Variants in ABR observed in about 807,000 individuals in gnomAD.
The protein encoded by ABR is ABR activator of RhoGEF and GTPase.
Under a neutral mutation model 107.2 loss-of-function variants are expected in ABR, and 35 were observed. That is an observed-to-expected ratio of 0.33 (90% CI 0.25 to 0.43). The LOEUF (loss-of-function observed/expected upper bound fraction) is 0.43, where lower values mean the gene tolerates loss of function less well. ABR is among the 20% of genes least tolerant of loss of function. The pLI, the probability that ABR is intolerant of heterozygous loss-of-function variation, is 1.00. For missense variants in ABR, 815 were observed against 1,115.2 expected, an observed-to-expected ratio of 0.73 and a Z score of 3.83; for synonymous variants, 498 against 462.0, an observed-to-expected ratio of 1.08 and a Z score of -1.00.
At chr17:1,144,415 G>A (rs1416256199) in intron 1 of ABR, among the ~76,000 whole-genome samples, 1 of 152,014 alleles carries the variant, frequency 6.6e-6, no homozygotes, top group Non-Finnish European at 1.5e-5. Flanking sequence ...GGGCCAGGAG[G>A]CAGATCTGGG....
At chr17:1,217,683 G>A (rs1219550002) in intron 1 of ABR, among the ~76,000 whole-genome samples, 10 of 152,068 alleles carry the variant, frequency 6.6e-5, no homozygotes, top group Non-Finnish European at 1.3e-4. Flanking sequence ...CCTAGACAGC[G>A]TGCTCTTATT....
intron 1 of ABR, among the ~76,000 whole-genome samples, chr17:1,146,581 G>A (rs1438582034): frequency 6.6e-6 from 1 of 151,512 alleles, no homozygotes; most frequent in Non-Finnish European, 1.5e-5. Flanking sequence ...TCAGTGCCCA[G>A]ACACCTGCCA....
intron 18 of ABR, chr17:1,012,472 A>AC: frequency 1.4e-6 from 1 of 698,102 alleles, no homozygotes; most frequent in South Asian, 1.5e-5. Flanking sequence ...CTCACAAGAG[A>AC]CCTTCCAGCG....
chr17:1,106,561 A>G (rs1597832611), intron 2 of ABR, among the ~76,000 whole-genome samples: 2 of 115,024 alleles, frequency 1.7e-5, no homozygotes, highest in African/African-American at 7.1e-5. Flanking sequence ...ACTGAGTCTC[A>G]CCCTGTCGCC....
intron 1 of ABR, among the ~76,000 whole-genome samples, chr17:1,205,675 C>T (rs1453376772): frequency 2.6e-5 from 4 of 152,138 alleles, no homozygotes; most frequent in Non-Finnish European, 5.9e-5. Context: ...CCAGGCGCGG[C>T]GGCTCACGCC....
At chr17:1,106,391 G>C (rs1380354581) in intron 2 of ABR, among the ~76,000 whole-genome samples, 1 of 150,374 alleles carries the variant, frequency 6.7e-6, no homozygotes, top group Non-Finnish European at 1.5e-5. Context: ...GCCCAGGACA[G>C]GAGTGTATCA....
At chr17:1,112,462 A>G (rs915233891) in intron 2 of ABR, among the ~76,000 whole-genome samples, 5 of 152,208 alleles carry the variant, frequency 3.3e-5, no homozygotes, top group African/African-American at 1.2e-4. Context: ...ACCCGGTTGC[A>G]GTGGCGCACC....
At chr17:1,014,841 G>A (rs1359334625) in intron 16 of ABR, among the ~76,000 whole-genome samples, 4 of 151,956 alleles carry the variant, frequency 2.6e-5, no homozygotes, top group African/African-American at 4.8e-5. Flanking sequence ...GTGAGACTCC[G>A]TCTCAAAAAA....
intron 16 of ABR, among the ~76,000 whole-genome samples, chr17:1,022,106 C>CAAAAAAAAAAAAAAAAAAAAA (rs759234729): frequency 7.6e-5 from 3 of 39,224 alleles, no homozygotes; most frequent in Non-Finnish European, 1.3e-4. Flanking sequence ...GACTCTGTCT[C>CAAAAAAAAAAAAAAAAAAAAA]AAAAAAAAAA....
rs746305126 is a variant in ABR at position 1,179,730 on chromosome 17, C to CGCG, written c.-6_-4dup. On this transcript the variant is annotated 5_prime_UTR_variant, in exon 1 of 23. Transcript: ENST00000302538. This position sits in a 1 kb window ranked among gnomAD's most constrained non-coding sequence, Gnocchi z 4.9. ...CCCCGGTGGCTGAGCGGCTCCATCC[C>CGCG]GCGGCGGCGGCTCGGTCAGATCCGA... The CGCG allele has an allele frequency of 8.0e-6, 12 of 1,496,566 alleles. No individual in the cohort carries two copies. In the South Asian group the frequency reaches 1.4e-4, roughly 17 times the overall value. 92.7% of individuals were successfully genotyped at this position (1,496,566 alleles called of 1,614,324 possible).
chr17:1,229,369 G>A (rs1457800550), exon 1 of ABR, among the ~76,000 whole-genome samples: 1 of 150,190 alleles, frequency 6.7e-6, no homozygotes, highest in African/African-American at 2.4e-5. Context: ...GGGCGCCCGG[G>A]GTCCCCGCGG....
intron 1 of ABR, among the ~76,000 whole-genome samples, chr17:1,215,536 G>C (rs953696536): frequency 2.2e-4 from 34 of 152,154 alleles, no homozygotes; most frequent in Non-Finnish European, 1.8e-4. Flanking sequence ...CTCGTTCACT[G>C]AGTGCTCAAT....
chr17:1,206,835 A>G (rs1445201942), intron 1 of ABR, among the ~76,000 whole-genome samples: 1 of 152,174 alleles, frequency 6.6e-6, no homozygotes, highest in Non-Finnish European at 1.5e-5. Flanking sequence ...TTGTCATCCC[A>G]GCACTTTGGG....
At chr17:1,031,567 A>ACCCCCCGGAACCTCCAGCCCCCG in intron 16 of ABR, 1 of 173,044 alleles carries the variant, frequency 5.8e-6, no homozygotes, top group Non-Finnish European at 7.1e-6. Context: ...CCGAGCCCCC[A>ACCCCCCGGAACCTCCAGCCCCCG]CCCCCCGGAA....
At chr17:1,185,024 C>G (rs752422941) in intron 1 of ABR, 1 of 152,002 alleles carries the variant, frequency 6.6e-6, no homozygotes, top group Non-Finnish European at 1.5e-5. Context: ...CCAGGGTTCC[C>G]GTGTGTAATC....
chr17:1,205,920 G>A lies in ABR; in HGVS notation c.838+22873C>T, dbSNP rs138582568. Among the ~76,000 whole-genome samples the A allele has an allele frequency of 3.8e-3, 572 of 151,812 alleles. 4 individuals are homozygous for A. The highest frequency in any genetic ancestry group is 0.013 in the African/African-American group (550 of 41,368). On this transcript the variant is annotated intron_variant, in intron 1 of 22. Transcript: ENST00000574139. ...TTGCGCCACTGCACTCCAGCCTGGC[G>A]CCAGAGCAAGACTCCGACTCGAAAA...
intron 1 of ABR, among the ~76,000 whole-genome samples, chr17:1,151,270 C>A (rs1483590848): frequency 2.0e-5 from 3 of 152,210 alleles, no homozygotes; most frequent in Non-Finnish European, 4.4e-5. Context: ...CAGGCTCTCA[C>A]AGAGGCCCTG....
chr17:1,066,431 T>A (rs2034748627), intron 10 of ABR, among the ~76,000 whole-genome samples: 3 of 152,196 alleles, frequency 2.0e-5, no homozygotes. Context: ...CTACTTGATC[T>A]GTCAGTTTCT....
At chr17:1,173,040 C>T (rs1305402097) in intron 1 of ABR, among the ~76,000 whole-genome samples, 3 of 119,574 alleles carry the variant, frequency 2.5e-5, no homozygotes, top group Admixed American at 1.7e-4. Context: ...CTCAGCCCAC[C>T]CAACACATCA....
Sources: gnomAD v4.1 joint callset for allele counts (sites outside exome capture counted in the v4.1 genomes callset) on GRCh38, gnomAD v4.1.1 for gene constraint, Gnocchi (gnomAD v3.1) non-coding constraint, MANE v1.5 for transcripts, NCBI Gene and HGNC (gene_info 2026-07-23, HGNC 2026-07-21) for gene names.